The following CFAP20DC variants were observed in gnomAD, a reference collection of about 807,000 sequenced individuals.
CFAP20DC encodes protein CFAP20DC.
In CFAP20DC, 84 loss-of-function variants were observed where a neutral mutation model predicts 101.7. The ratio of observed to expected loss-of-function variants is 0.83; its 90% CI spans 0.69 to 0.99. The LOEUF is 0.99. Among genes scored for constraint, CFAP20DC ranks in the 50% least tolerant of loss-of-function variants. The pLI, the probability that CFAP20DC is intolerant of heterozygous loss-of-function variation, is 0.00. For synonymous variants in CFAP20DC, 359 were observed against 351.2 expected (o/e 1.02, Z -0.25); for missense variants, 1,007 against 970.3 (o/e 1.04, Z -0.50).
intron 3 of CFAP20DC, among the ~76,000 whole-genome samples, chr3:59,045,583 G>A (rs1194813586): frequency 1.3e-5 from 2 of 151,932 alleles, no homozygotes; most frequent in South Asian, 2.1e-4. Context: ...ATAAATCTGC[G>A]TTATCTCTCA....
At chr3:58,813,855 A>G (rs1250270369) in intron 14 of CFAP20DC, among the ~76,000 whole-genome samples, 2 of 151,960 alleles carry the variant, frequency 1.3e-5, no homozygotes, top group Admixed American at 6.6e-5. Flanking sequence ...CTGGGAGAAC[A>G]GTGGAAGGAA....
intron 12 of CFAP20DC, among the ~76,000 whole-genome samples, chr3:58,851,877 T>A (rs772139426): frequency 1.4e-4 from 21 of 152,230 alleles, no homozygotes; most frequent in Non-Finnish European, 1.8e-4. Flanking sequence ...AACTTTTTGA[T>A]GAGAGAAGTG....
chr3:58,952,009 A>G (rs1315803638), intron 4 of CFAP20DC, among the ~76,000 whole-genome samples: 3 of 152,200 alleles, frequency 2.0e-5, no homozygotes, highest in Non-Finnish European at 4.4e-5. Flanking sequence ...AGTGCCCCGA[A>G]AGGCTGGGCA....
At chr3:58,986,899 T>C (rs767704173) in intron 4 of CFAP20DC, among the ~76,000 whole-genome samples, 2 of 152,112 alleles carry the variant, frequency 1.3e-5, no homozygotes, top group African/African-American at 2.4e-5. Context: ...GTATTTATAA[T>C]AGGAAGAGTC....
intron 14 of CFAP20DC, among the ~76,000 whole-genome samples, chr3:58,809,086 A>G (rs1178206777): frequency 4.6e-5 from 7 of 152,248 alleles, no homozygotes; most frequent in Admixed American, 2.0e-4. Context: ...TGACCTACAA[A>G]GAGACTTAGA....
chr3:58,725,442 C>G (rs1055688109), intron 3 of CFAP20DC, among the ~76,000 whole-genome samples: 1 of 152,208 alleles, frequency 6.6e-6, no homozygotes, highest in Non-Finnish European at 1.5e-5. Flanking sequence ...CATGTCCCAC[C>G]TCCTCGCTAT....
At position 58,799,865 on chromosome 3, in the gene CFAP20DC, G is replaced by A. The variant is rs547964765; in HGVS notation, c.2237+6530C>T. Among the ~76,000 whole-genome samples, 1 of 152,180 alleles carries A rather than the reference G, an allele frequency of 6.6e-6. No individual in the cohort carries two copies. Among genetic ancestry groups the A allele is most frequent in the African/African-American group, 2.4e-5 (1 of 41,516 alleles). On this transcript the variant is annotated intron_variant, in intron 15 of 16. Coordinates refer to ENST00000482387, the MANE Select transcript of CFAP20DC (RefSeq NM_001394063.1). This position sits in a 1 kb window ranked among gnomAD's most constrained non-coding sequence, Gnocchi z 4.9. ...AGGTGACTGAGGGCTATTTTAGGGTGGACACTAAGAAAGGGCCTCCTGAGG... is the reference window on the plus strand; with the variant it reads ...AGGTGACTGAGGGCTATTTTAGGGTAGACACTAAGAAAGGGCCTCCTGAGG...
chr3:58,945,754 T>G (rs557010868), intron 4 of CFAP20DC, among the ~76,000 whole-genome samples: 1 of 150,962 alleles, frequency 6.6e-6, no homozygotes, highest in Non-Finnish European at 1.5e-5. Flanking sequence ...TGGAGTCCAG[T>G]GGCGCGATGT....
chr3:59,000,077 A>C (rs112225737), intron 4 of CFAP20DC, among the ~76,000 whole-genome samples: 1 of 152,196 alleles, frequency 6.6e-6, no homozygotes, highest in Non-Finnish European at 1.5e-5. Flanking sequence ...TCTTGCAGCC[A>C]GAGATAATTA....
intron 4 of CFAP20DC, among the ~76,000 whole-genome samples, chr3:58,974,582 C>T (rs1234107318): frequency 6.6e-6 from 1 of 152,036 alleles, no homozygotes; most frequent in Non-Finnish European, 1.5e-5. Context: ...GTGTTCAGAG[C>T]TAGGGAATCC....
intron 15 of CFAP20DC, among the ~76,000 whole-genome samples, chr3:58,764,249 TC>T (rs2070029544): frequency 6.6e-6 from 1 of 152,164 alleles, no homozygotes; most frequent in African/African-American, 2.4e-5. Flanking sequence ...GCGCCCCTCC[TC>T]CAGCCTTGCT....
At chr3:58,991,546 A>G (rs9879859) in intron 4 of CFAP20DC, among the ~76,000 whole-genome samples, 14,406 of 152,134 alleles carry the variant, frequency 0.095, 2,242 homozygotes, top group African/African-American at 0.33. Flanking sequence ...ACCAGAGACT[A>G]GTTTTGTGGA....
intron 8 of CFAP20DC, 85 bp downstream of exon 8, chr3:58,870,088 T>C: frequency 2.1e-6 from 1 of 471,724 alleles, no homozygotes; most frequent in Non-Finnish European, 4.4e-6. Flanking sequence ...TGTCTTTCCC[T>C]CCCTCCCTCC....
At chr3:58,931,930 C>A (rs894454314) in intron 5 of CFAP20DC, among the ~76,000 whole-genome samples, 2 of 152,216 alleles carry the variant, frequency 1.3e-5, no homozygotes, top group Admixed American at 6.5e-5. Flanking sequence ...CGGAGAATGA[C>A]TTTGACGAGT....
At position 58,732,062 on chromosome 3, in the gene CFAP20DC, G is replaced by C. The variant is rs558975076; in HGVS notation, c.198-14434C>G. ...ACATACAGTTCAGTGCGATGCTTGG[G>C]AGTGCAGTGAGAGCTCAATAAATGG... On this transcript the variant is annotated intron_variant, in intron 3 of 3. Coordinates refer to the CFAP20DC transcript ENST00000486145. The surrounding 1 kb of genome is among the most constrained non-coding windows in gnomAD (Gnocchi z 5.4). Among the ~76,000 whole-genome samples the C allele has an allele frequency of 1.2e-4, 18 of 152,200 alleles. No homozygotes were observed. Among genetic ancestry groups the C allele is most frequent in the Non-Finnish European group, 1.8e-4 (12 of 68,038 alleles).
intron 4 of CFAP20DC, among the ~76,000 whole-genome samples, chr3:58,954,321 A>T (rs2090432705): frequency 6.6e-6 from 1 of 152,148 alleles, no homozygotes; most frequent in Admixed American, 6.6e-5. Flanking sequence ...TCATTTGCAA[A>T]TGCTCACTTC....
intron 4 of CFAP20DC, among the ~76,000 whole-genome samples, chr3:58,978,693 G>C (rs187872895): frequency 4.9e-5 from 7 of 144,208 alleles, no homozygotes; most frequent in Middle Eastern, 3.7e-3. Context: ...TGGGTGACAA[G>C]AGAGAGACTA....
At chr3:58,955,376 C>T (rs1046908971) in intron 4 of CFAP20DC, among the ~76,000 whole-genome samples, 12 of 152,252 alleles carry the variant, frequency 7.9e-5, no homozygotes, top group African/African-American at 2.2e-4. Flanking sequence ...TGTGGCAGCA[C>T]GGTGCAGACA....
Position 58,867,929 on chromosome 3 carries a change from A to G in CFAP20DC, c.1023T>C (p.Asn341=), listed in dbSNP as rs1305868178. 5 of 1,607,612 alleles carry G rather than the reference A, an allele frequency of 3.1e-6. 1 individual carries two copies. In the South Asian group the frequency reaches 5.6e-5, roughly 18 times the overall value. ...GGGGATGCGGATGCATAATATGTAG[A>G]TTGGCTGCTACATTTTCATATCAAA... ...IKQTVPIHAA[N]LHIMHPHPPQ... is the part of the protein sequence containing the mutation. Residue 341 remains asparagine, a synonymous_variant, in exon 10 of 17, where the codon AAT becomes AAC. Coordinates refer to ENST00000482387, the MANE Select transcript of CFAP20DC (RefSeq NM_001394063.1).
Sources: allele counts gnomAD v4.1 joint callset (sites outside exome capture counted in the v4.1 genomes callset), GRCh38; gene constraint gnomAD v4.1.1; non-coding constraint Gnocchi (gnomAD v3.1); transcripts MANE v1.5; gene names NCBI Gene and HGNC (gene_info 2026-07-23, HGNC 2026-07-21).